The following CAP2 variants were observed in gnomAD, a reference collection of about 807,000 sequenced individuals.
CAP2 encodes cyclase associated actin cytoskeleton regulatory protein 2, also known as adenylyl cyclase-associated protein 2.
A neutral mutation model predicts 57.7 loss-of-function variants in CAP2; 24 were observed. That is an observed-to-expected ratio of 0.42 (90% confidence interval 0.30 to 0.58). The LOEUF is 0.58. Ranked by LOEUF, CAP2 falls within the 20% of genes least tolerant of loss-of-function variation. CAP2 has a pLI of 0.22. For synonymous variants in CAP2, 194 were observed against 207.2 expected (o/e 0.94, Z 0.55); for missense variants, 501 against 590.3 (o/e 0.85, Z 1.57).
chr6:17,540,873 A>G, intron 8 of CAP2, 100 bp from the exon 9 acceptor site: 1 of 1,221,622 alleles, frequency 8.2e-7, no homozygotes, highest in Non-Finnish European at 1.2e-6. Context: ...TGGCCTTACC[A>G]AAAGTTCTTG....
At chr6:17,440,076 T>C (rs933324795) in intron 3 of CAP2, among the ~76,000 whole-genome samples, 4 of 151,778 alleles carry the variant, frequency 2.6e-5, no homozygotes, top group African/African-American at 4.9e-5. Context: ...GGAGTTTTTA[T>C]TGGAATCGGT....
chr6:17,441,111 T>C, intron 3 of CAP2, among the ~76,000 whole-genome samples: 1 of 151,556 alleles, frequency 6.6e-6, no homozygotes, highest in Non-Finnish European at 1.5e-5. Flanking sequence ...GCTAAAAATA[T>C]AACTTTTCTT....
chr6:17,468,909 A>G (rs1165794010), intron 4 of CAP2, among the ~76,000 whole-genome samples: 1 of 152,244 alleles, frequency 6.6e-6, no homozygotes, highest in African/African-American at 2.4e-5. Flanking sequence ...CACTGTCCAG[A>G]GTCCTTTTTG....
intron 7 of CAP2, among the ~76,000 whole-genome samples, chr6:17,537,146 G>A (rs1417673420): frequency 6.6e-6 from 1 of 152,096 alleles, no homozygotes; most frequent in Non-Finnish European, 1.5e-5. Context: ...CACTTAATAG[G>A]AATTATATAA....
At chr6:17,497,630 C>A (rs572238550) in intron 4 of CAP2, among the ~76,000 whole-genome samples, 1 of 152,272 alleles carries the variant, frequency 6.6e-6, no homozygotes, top group South Asian at 2.1e-4. Flanking sequence ...TAATCCCATG[C>A]CCCTGCCATG....
At chr6:17,484,479 A>C (rs1171423357) in intron 4 of CAP2, among the ~76,000 whole-genome samples, 1 of 152,202 alleles carries the variant, frequency 6.6e-6, no homozygotes, top group Non-Finnish European at 1.5e-5. Flanking sequence ...TAATTTTAAC[A>C]AAAAAATACA....
chr6:17,443,574 G>GACAC (rs3075206), intron 3 of CAP2, among the ~76,000 whole-genome samples: 2,500 of 149,990 alleles, frequency 0.017, 47 homozygotes, highest in African/African-American at 0.042. Flanking sequence ...AAAACACACA[G>GACAC]ACACACACAC....
At chr6:17,420,253 C>T (rs923483055) in intron 1 of CAP2, among the ~76,000 whole-genome samples, 1 of 152,196 alleles carries the variant, frequency 6.6e-6, no homozygotes, top group African/African-American at 2.4e-5. Context: ...AACTGAAGAT[C>T]CCTGTCTCTA....
chr6:17,443,156 G>A (rs376905424), intron 3 of CAP2, among the ~76,000 whole-genome samples: 31 of 152,286 alleles, frequency 2.0e-4, no homozygotes, highest in African/African-American at 7.5e-4. Flanking sequence ...GGAGACTGAA[G>A]CGGGAGGATC....
At chr6:17,537,982 G>A (rs1205103047) in intron 7 of CAP2, among the ~76,000 whole-genome samples, 2 of 152,132 alleles carry the variant, frequency 1.3e-5, no homozygotes, top group African/African-American at 4.8e-5. Context: ...CAGGAGAATT[G>A]CTTGAACCTG....
chr6:17,522,184 C>A (rs893941146), intron 7 of CAP2, among the ~76,000 whole-genome samples: 1 of 152,096 alleles, frequency 6.6e-6, no homozygotes, highest in African/African-American at 2.4e-5. Flanking sequence ...CAAATCACAA[C>A]CTACTTTTCA....
chr6:17,534,020 T>C (rs900482808), intron 7 of CAP2, among the ~76,000 whole-genome samples: 1 of 152,214 alleles, frequency 6.6e-6, no homozygotes, highest in African/African-American at 2.4e-5. Context: ...GGATCACTGC[T>C]CCTTAACTAA....
At chr6:17,500,302 A>G (rs1477989745) in intron 4 of CAP2, among the ~76,000 whole-genome samples, 8 of 130,640 alleles carry the variant, frequency 6.1e-5, no homozygotes, top group Admixed American at 3.2e-4. Flanking sequence ...AATTGCTTCA[A>G]TTATTAGAAT....
chr6:17,504,537 G>A (rs146456570), intron 4 of CAP2, among the ~76,000 whole-genome samples: 101 of 152,270 alleles, frequency 6.6e-4, no homozygotes, highest in African/African-American at 1.9e-3. Context: ...GGGCCTCCCC[G>A]AAGACCTAGC....
intron 1 of CAP2, among the ~76,000 whole-genome samples, chr6:17,406,724 T>C (rs1164394627): frequency 6.6e-6 from 1 of 152,110 alleles, no homozygotes; most frequent in Non-Finnish European, 1.5e-5. Context: ...TTCAGGTGCC[T>C]GTGCTGCTGC....
intron 2 of CAP2, among the ~76,000 whole-genome samples, chr6:17,425,738 T>C (rs986158234): frequency 6.6e-6 from 1 of 152,144 alleles, no homozygotes; most frequent in African/African-American, 2.4e-5. Flanking sequence ...GTAGCGTCTT[T>C]ACTCAGGAGG....
intron 4 of CAP2, among the ~76,000 whole-genome samples, chr6:17,496,030 G>GGGT (rs1561804634): frequency 7.3e-5 from 3 of 41,182 alleles, no homozygotes; most frequent in East Asian, 9.7e-4. Context: ...GTGTGGGTGG[G>GGGT]GGGGGGGGGT....
rs572463337 is a variant in CAP2 at position 17,415,610 on chromosome 6, T to C, written c.-1-5945T>C. On this transcript the variant is annotated intron_variant, in intron 1 of 12. Transcript: ENST00000229922. Reference sequence around the variant, plus strand: ...AAAAGTATTTATAGTTCTCTAGGTATAGGGCACCATGCTGGACTCAGTGGG... The same window carrying C: ...AAAAGTATTTATAGTTCTCTAGGTACAGGGCACCATGCTGGACTCAGTGGG... 2.5e-4 allele frequency among the ~76,000 whole-genome samples: 38 copies of C among 152,294 alleles called. No homozygotes were observed. In the South Asian group the frequency reaches 7.5e-3, roughly 30 times the overall value.
chr6:17,411,862 A>G (rs916077640), intron 1 of CAP2, among the ~76,000 whole-genome samples: 2 of 152,102 alleles, frequency 1.3e-5, no homozygotes, highest in African/African-American at 4.8e-5. Flanking sequence ...TGGTGTAAAC[A>G]AGCGCAAAGG....
Sources: allele counts gnomAD v4.1 joint callset (sites outside exome capture counted in the v4.1 genomes callset), GRCh38; gene constraint gnomAD v4.1.1; transcripts MANE v1.5; gene names NCBI Gene and HGNC (gene_info 2026-07-23, HGNC 2026-07-21).